Variants in CHORDC1 observed in about 807,000 individuals in gnomAD.
CHORDC1 encodes cysteine and histidine rich domain containing 1.
Under a neutral mutation model 48.3 loss-of-function variants are expected in CHORDC1, and 25 were observed. That is an observed-to-expected ratio of 0.52 (90% CI 0.38 to 0.72). CHORDC1 has a LOEUF of 0.72. Among genes scored for constraint, CHORDC1 ranks in the 30% least tolerant of loss-of-function variants. The pLI is 0.00. For synonymous variants in CHORDC1, 128 were observed against 126.4 expected (o/e 1.01, Z -0.09); for missense variants, 317 against 388.7 (o/e 0.82, Z 1.55).
rs1486606283 is a variant in CHORDC1, at chr11:90,202,426, T to C, written c.978A>G (p.Gln326=). The C allele has an allele frequency of 1.9e-6, 3 of 1,611,662 alleles. No homozygotes were observed. Among genetic ancestry groups the C allele is most frequent in the African/African-American group, 2.7e-5 (2 of 74,864 alleles). Residue 326 remains glutamine (Q), a synonymous_variant, in exon 11 of 11, where the codon CAA becomes CAG. Coordinates refer to ENST00000320585, the MANE Select transcript of CHORDC1 (RefSeq NM_012124.3). ...ELPAAKKQEK[Q]KDATTD ...CCACTCAATCTGTTGTGGCATCTTT[T>C]TGTTTTTCCTGCTTTTTAGCTGCAG...
At chr11:90,206,707 G>A (rs1454154419) in intron 6 of CHORDC1, 6 of 950,682 alleles carry the variant, frequency 6.3e-6, no homozygotes, top group Non-Finnish European at 8.7e-6. Flanking sequence ...TAGAGTGATG[G>A]TGATTTCTTA....
chr11:90,210,701 G>A, intron 5 of CHORDC1, 107 bp from the exon 6 acceptor site: 2 of 694,642 alleles, frequency 2.9e-6, no homozygotes, highest in Non-Finnish European at 4.9e-6. Flanking sequence ...TTTAGAAAAC[G>A]ACTGTGACTA....
At position 90,200,509 on chromosome 11, in the gene CHORDC1, A is replaced by T. The variant is rs1329764827; in HGVS notation, c.*1896T>A. ...AGTAAAACATATGCTACCTAACGAT[A>T]ACTGTGTCCCTTTATGTATGAGTCT... On this transcript the variant is annotated 3_prime_UTR_variant, in exon 11 of 11. Coordinates refer to ENST00000320585, the MANE Select transcript of CHORDC1 (RefSeq NM_012124.3). Among the ~76,000 whole-genome samples the T allele has an allele frequency of 6.6e-6, 1 of 151,986 alleles. No individual in the cohort carries two copies. Among genetic ancestry groups the T allele is most frequent in the Admixed American group, 6.6e-5 (1 of 15,240 alleles).
At chr11:90,221,470 A>C (rs1591063528) in intron 1 of CHORDC1, among the ~76,000 whole-genome samples, 1 of 152,338 alleles carries the variant, frequency 6.6e-6, no homozygotes, top group East Asian at 1.9e-4. Context: ...TAGGCACTGC[A>C]CCAATTCACA....
intron 5 of CHORDC1, chr11:90,210,808 C>T (rs1857840096): frequency 3.9e-6 from 2 of 514,014 alleles, no homozygotes; most frequent in Admixed American, 3.5e-5. Context: ...TTTTCCATAA[C>T]AAAATGTTAT....
Position 90,202,846 on chromosome 11 carries a change from C to T in CHORDC1, c.819G>A (p.Glu273=). 1.2e-6 allele frequency: 2 copies of T among 1,601,548 alleles called. No homozygotes were observed. The highest frequency in any genetic ancestry group is 1.7e-6 in the Non-Finnish European group (2 of 1,174,570). Reference sequence around the variant, plus strand: ...ATTTCACATTTTGATCAAATTCCTTCTCTCCTTCAAATACAATATGCACAT... The same window carrying T: ...ATTTCACATTTTGATCAAATTCCTTTTCTCCTTCAAATACAATATGCACAT... The part of the protein sequence containing the change: ...LLNVHIVFEG[E]KEFDQNVKLW... The change falls in exon 10 of 11, where the codon GAG becomes GAA. Residue 273 remains glutamate (E), a synonymous_variant. Coordinates refer to ENST00000320585, the MANE Select transcript of CHORDC1 (RefSeq NM_012124.3).
intron 1 of CHORDC1, 152 bp from the exon 2 acceptor site, chr11:90,218,336 C>T (rs893081661): frequency 7.4e-5 from 40 of 543,978 alleles, no homozygotes; most frequent in Non-Finnish European, 1.9e-5. Context: ...ACGTGCAGCA[C>T]AAAGTGTACT....
rs761241825 is a variant in CHORDC1 at position 90,202,805 on chromosome 11, ATACT to A, written c.852+4_852+7del. On this transcript the variant is annotated splice_donor_5th_base_variant and intron_variant, in intron 10 of 10. Transcript: ENST00000320585. ...GAAAAAAAATTCTTATAAATTTGTAATACTTACACCCCATAATTTCACATTTTGA... is the reference window on the plus strand; with the variant it reads ...GAAAAAAAATTCTTATAAATTTGTAATACACCCCATAATTTCACATTTTGA... 21 of 1,585,314 alleles carry A rather than the reference ATACT, an allele frequency of 1.3e-5. No homozygotes were observed. The highest frequency in any genetic ancestry group is 1.7e-5 in the Non-Finnish European group (20 of 1,169,962).
At chr11:90,203,154 A>C (rs1349782111) in intron 9 of CHORDC1, among the ~76,000 whole-genome samples, 154 bp downstream of exon 9, 2 of 152,182 alleles carry the variant, frequency 1.3e-5, no homozygotes, top group Non-Finnish European at 2.9e-5. Context: ...CATTTAAAAT[A>C]GTTTCATAGA....
At position 90,211,222 on chromosome 11, in the gene CHORDC1, A is replaced by G. The variant is rs756655840; in HGVS notation, c.426T>C (p.Asn142=). The G allele has an allele frequency of 3.2e-6, 5 of 1,563,676 alleles. No homozygotes were observed. In the South Asian group the frequency reaches 4.5e-5, roughly 14 times the overall value. ...KLKLSSGNEE[N]KKEEDNDEIK... The stretch of plus-strand genomic sequence containing the variant: ...AACAAAATAAAATCTTACCTTTCTT[A>G]TTTTCTTCATTCCCTGATGACAGTT... Residue 142 remains asparagine, a synonymous_variant, in exon 5 of 11, where the codon AAT becomes AAC. Transcript: ENST00000320585.
At chr11:90,216,803 G>A (rs1858023559) in intron 2 of CHORDC1, among the ~76,000 whole-genome samples, 1 of 152,116 alleles carries the variant, frequency 6.6e-6, no homozygotes, top group South Asian at 2.1e-4. Context: ...TTGCCAATGA[G>A]ACACATAAAT....
At chr11:90,221,326 A>G (rs1858166773) in intron 1 of CHORDC1, among the ~76,000 whole-genome samples, 1 of 152,288 alleles carries the variant, frequency 6.6e-6, no homozygotes, top group African/African-American at 2.4e-5. Context: ...AGTTTACTTG[A>G]AAAATGTATT....
At chr11:90,204,901 A>C (rs899344558) in intron 8 of CHORDC1, among the ~76,000 whole-genome samples, 8 of 152,148 alleles carry the variant, frequency 5.3e-5, no homozygotes, top group African/African-American at 1.7e-4. Flanking sequence ...ATAGCCCCCA[A>C]GTCTTTTTAA....
At chr11:90,219,604 T>C (rs1444873212) in intron 1 of CHORDC1, among the ~76,000 whole-genome samples, 1 of 152,212 alleles carries the variant, frequency 6.6e-6, no homozygotes, top group East Asian at 1.9e-4. Context: ...AACAATAGCA[T>C]GAGCCATATG....
At chr11:90,208,250 TGGTGAAACCTTGTCTCTA>T (rs1857759175) in intron 6 of CHORDC1, 1 of 152,110 alleles carries the variant, frequency 6.6e-6, no homozygotes, top group Non-Finnish European at 1.5e-5. Flanking sequence ...CTGGCCAACA[TGGTGAAACCTTGTCTCTA>T]GTAAAAATAC....
Position 90,217,997 on chromosome 11 carries a change from C to A in CHORDC1, c.114+138G>T, listed in dbSNP as rs1168777837. 1.3e-5 allele frequency: 7 copies of A among 519,188 alleles called. No individual in the cohort carries two copies. In the East Asian group the frequency reaches 2.1e-4, roughly 16 times the overall value. 32.2% of individuals were successfully genotyped at this position (519,188 alleles called of 1,614,324 possible). A position where few individuals can be genotyped will look rare whatever the true frequency, so the allele number is the denominator to read the frequency against. On this transcript the variant is annotated intron_variant, in intron 2 of 10. Coordinates refer to ENST00000320585, the MANE Select transcript of CHORDC1 (RefSeq NM_012124.3). The stretch of plus-strand genomic sequence containing the variant: ...TTTTCTTTGTCTTTAGTGGAGTATA[C>A]GCTTAAAGCACCTCCCCCGCAAAGG...
At chr11:90,222,715 C>T (rs952353956) in intron 1 of CHORDC1, 176 bp downstream of exon 1, 8 of 718,092 alleles carry the variant, frequency 1.1e-5, no homozygotes, top group African/African-American at 8.8e-5. Context: ...GGGAACGCGG[C>T]GCAACAGAGG....
At chr11:90,208,815 A>G (rs182531221) in intron 6 of CHORDC1, 17 of 152,278 alleles carry the variant, frequency 1.1e-4, no homozygotes, top group Admixed American at 5.9e-4. Flanking sequence ...CTTCAATGTT[A>G]TATTTCAATG....
chr11:90,210,520 A>C lies in CHORDC1; in HGVS notation c.492+16T>G. Reference sequence around the variant, plus strand: ...AATTTTACTTCATAACACATCACAAATCTTGTGATATATACCTTTGAACAC... The same window carrying C: ...AATTTTACTTCATAACACATCACAACTCTTGTGATATATACCTTTGAACAC... On this transcript the variant is annotated intron_variant, in intron 6 of 10. Transcript: ENST00000320585. 6.5e-7 allele frequency: 1 copy of C among 1,533,034 alleles called. No individual in the cohort carries two copies. Among genetic ancestry groups the C allele is most frequent in the Non-Finnish European group, 9.0e-7 (1 of 1,114,168 alleles). The allele number at this position is 1,533,034 out of a possible 1,614,324, so 95.0% of individuals were successfully genotyped here.
Sources: gnomAD v4.1 joint callset for allele counts (sites outside exome capture counted in the v4.1 genomes callset) on GRCh38, gnomAD v4.1.1 for gene constraint, MANE v1.5 for transcripts, NCBI Gene and HGNC (gene_info 2026-07-23, HGNC 2026-07-21) for gene names.